The following CACNA2D3 variants were observed in gnomAD, a reference collection of about 807,000 sequenced individuals.
The protein encoded by CACNA2D3 is calcium voltage-gated channel auxiliary subunit alpha2delta 3.
Under a neutral mutation model 160.6 loss-of-function variants are expected in CACNA2D3, and 60 were observed. The ratio of observed to expected loss-of-function variants is 0.37; its 90% CI spans 0.30 to 0.46. CACNA2D3 has a LOEUF of 0.46. Ranked by LOEUF, CACNA2D3 falls within the 20% of genes least tolerant of loss-of-function variation. CACNA2D3 has a pLI of 1.00. For missense variants in CACNA2D3, 1,205 were observed against 1,365.0 expected (o/e 0.88, Z 1.85); for synonymous variants, 558 against 492.9 (o/e 1.13, Z -1.75).
chr3:54,188,388 C>T (rs981974055), intron 2 of CACNA2D3, among the ~76,000 whole-genome samples: 2 of 152,206 alleles, frequency 1.3e-5, no homozygotes, highest in Non-Finnish European at 2.9e-5. Flanking sequence ...AGCTTCAGGA[C>T]CTGTAAATCC....
At chr3:54,459,948 G>A (rs570056138) in intron 4 of CACNA2D3, among the ~76,000 whole-genome samples, 1 of 152,252 alleles carries the variant, frequency 6.6e-6, no homozygotes, top group Admixed American at 6.5e-5. Context: ...TTAATTTTTT[G>A]TATAAGGTGT....
chr3:54,197,407 T>G (rs1373144374), intron 2 of CACNA2D3: 1 of 152,244 alleles, frequency 6.6e-6, no homozygotes, highest in Non-Finnish European at 1.5e-5. Flanking sequence ...GACAGCCTAC[T>G]TCAAGTCCTC....
chr3:54,185,511 G>T (rs1407325367), intron 2 of CACNA2D3, among the ~76,000 whole-genome samples: 1 of 151,942 alleles, frequency 6.6e-6, no homozygotes, highest in Non-Finnish European at 1.5e-5. Context: ...GATTTTTAGA[G>T]GTCAGTAACA....
intron 17 of CACNA2D3, among the ~76,000 whole-genome samples, chr3:54,847,275 A>G (rs1311139758): frequency 6.6e-6 from 1 of 152,266 alleles, no homozygotes; most frequent in Non-Finnish European, 1.5e-5. Context: ...TAAAGAAGAT[A>G]TAGAATTATA....
rs528972051 is a variant in CACNA2D3, at chr3:55,009,118, C to G, written c.2820-270C>G. Among the ~76,000 whole-genome samples the G allele has an allele frequency of 1.1e-4, 17 of 152,238 alleles. No individual in the cohort carries two copies. The South Asian group carries it at 3.1e-3, about 28-fold the overall frequency. ...AGATTGAACAACTGGTGAACAACAA[C>G]GAGAAAAGTATTTCAGCCTATACAG... On this transcript the variant is annotated intron_variant, in intron 33 of 37. Transcript: ENST00000474759.
intron 2 of CACNA2D3, among the ~76,000 whole-genome samples, chr3:54,139,292 C>G (rs1699875042): frequency 6.6e-6 from 1 of 152,250 alleles, no homozygotes; most frequent in Non-Finnish European, 1.5e-5. Context: ...CATCAGGTGT[C>G]TCTGTGAGTG....
intron 4 of CACNA2D3, among the ~76,000 whole-genome samples, chr3:54,498,877 GT>G (rs1701244751): frequency 6.6e-6 from 1 of 151,738 alleles, no homozygotes; most frequent in Non-Finnish European, 1.5e-5. Context: ...CAAATCTTTA[GT>G]CTATTTGCAG....
intron 14 of CACNA2D3, among the ~76,000 whole-genome samples, chr3:54,823,039 G>C (rs1575496692): frequency 6.6e-6 from 1 of 151,700 alleles, no homozygotes; most frequent in East Asian, 1.9e-4. Context: ...ATTTTTAGTA[G>C]AGACAGAGTT....
intron 12 of CACNA2D3, among the ~76,000 whole-genome samples, chr3:54,754,052 C>T (rs899925550): frequency 2.0e-5 from 3 of 152,166 alleles, no homozygotes; most frequent in Non-Finnish European, 4.4e-5. Flanking sequence ...TTAAGTGCCT[C>T]GTTCAATACT....
chr3:54,194,106 G>A (rs531911291), intron 2 of CACNA2D3, among the ~76,000 whole-genome samples: 4 of 152,192 alleles, frequency 2.6e-5, no homozygotes, highest in Admixed American at 6.5e-5. Context: ...ATAAAGAGAG[G>A]TTGGTTAATG....
At chr3:54,411,776 G>A (rs948334729) in intron 4 of CACNA2D3, among the ~76,000 whole-genome samples, 2 of 152,120 alleles carry the variant, frequency 1.3e-5, no homozygotes, top group African/African-American at 2.4e-5. Flanking sequence ...CAGACGTCAT[G>A]CTAAACAAAG....
At chr3:54,457,067 T>C (rs1429376155) in intron 4 of CACNA2D3, among the ~76,000 whole-genome samples, 1 of 151,936 alleles carries the variant, frequency 6.6e-6, no homozygotes, top group East Asian at 1.9e-4. Context: ...CTTTTTTTGT[T>C]CTGTTGGTCT....
At chr3:54,776,855 G>A (rs1425462237) in intron 13 of CACNA2D3, among the ~76,000 whole-genome samples, 6 of 152,120 alleles carry the variant, frequency 3.9e-5, no homozygotes, top group Non-Finnish European at 8.8e-5. Context: ...GTGGGTGGTG[G>A]GAAGCCCTCT....
intron 4 of CACNA2D3, among the ~76,000 whole-genome samples, chr3:54,412,790 A>G (rs1442428819): frequency 6.6e-6 from 1 of 151,660 alleles, no homozygotes; most frequent in Non-Finnish European, 1.5e-5. Context: ...GCTTTAGCAC[A>G]TCACTTAATT....
intron 13 of CACNA2D3, among the ~76,000 whole-genome samples, chr3:54,767,728 A>G (rs1702249712): frequency 6.6e-6 from 1 of 152,182 alleles, no homozygotes; most frequent in Non-Finnish European, 1.5e-5. Flanking sequence ...ATTTTGTGCC[A>G]GAAACTAAGG....
At chr3:54,771,183 A>G (rs923048086) in intron 13 of CACNA2D3, among the ~76,000 whole-genome samples, 4 of 152,174 alleles carry the variant, frequency 2.6e-5, no homozygotes, top group African/African-American at 9.6e-5. Flanking sequence ...GAGAGGGGTC[A>G]CTAATTGGTG....
At chr3:54,695,947 G>T (rs904866014) in intron 11 of CACNA2D3, among the ~76,000 whole-genome samples, 1 of 152,076 alleles carries the variant, frequency 6.6e-6, no homozygotes, top group African/African-American at 2.4e-5. Flanking sequence ...TGGCTTTTGC[G>T]TTGACTACTG....
chr3:54,985,134 T>C (rs1409788746), intron 30 of CACNA2D3, among the ~76,000 whole-genome samples: 1 of 152,220 alleles, frequency 6.6e-6, no homozygotes, highest in African/African-American at 2.4e-5. Flanking sequence ...TTTTTAAAAA[T>C]CAGTTATCTG....
At chr3:54,171,073 C>T (rs554875026) in intron 2 of CACNA2D3, among the ~76,000 whole-genome samples, 1 of 143,754 alleles carries the variant, frequency 7.0e-6, no homozygotes, top group South Asian at 2.2e-4. Flanking sequence ...TTTGAGGATT[C>T]CCTATTTTAG....
Sources: allele counts gnomAD v4.1 joint callset (sites outside exome capture counted in the v4.1 genomes callset), GRCh38; gene constraint gnomAD v4.1.1; transcripts MANE v1.5; gene names NCBI Gene and HGNC (gene_info 2026-07-23, HGNC 2026-07-21).